Variants in EPHA3 observed in about 807,000 individuals in gnomAD.
The protein encoded by EPHA3 is EPH receptor A3.
In EPHA3, 42 loss-of-function variants were observed where a neutral mutation model predicts 107.1. The observed-to-expected ratio is 0.39, with a 90% CI of 0.31 to 0.51. EPHA3 has a LOEUF of 0.51. Ranked by LOEUF, EPHA3 falls within the 20% of genes least tolerant of loss-of-function variation. The pLI is 0.78. For synonymous variants in EPHA3, 461 were observed against 424.8 expected (o/e 1.09, Z -1.05); for missense variants, 1,183 against 1,211.2 (o/e 0.98, Z 0.35).
At chr3:89,383,802 C>A (rs1333379043) in intron 5 of EPHA3, among the ~76,000 whole-genome samples, 1 of 151,718 alleles carries the variant, frequency 6.6e-6, no homozygotes, top group East Asian at 1.9e-4. Context: ...GTGCCCGCCA[C>A]CACGCCCGGC....
At chr3:89,257,146 C>T (rs897378641) in intron 3 of EPHA3, among the ~76,000 whole-genome samples, 10 of 152,164 alleles carry the variant, frequency 6.6e-5, no homozygotes, top group African/African-American at 1.2e-4. Context: ...AACTATCGAT[C>T]CTTCTCTTAT....
At chr3:89,159,080 T>C (rs2107064958) in intron 2 of EPHA3, among the ~76,000 whole-genome samples, 1 of 152,294 alleles carries the variant, frequency 6.6e-6, no homozygotes, top group East Asian at 1.9e-4. Flanking sequence ...TAGTTCATTT[T>C]GTACTAATAT....
intron 3 of EPHA3, among the ~76,000 whole-genome samples, chr3:89,295,173 G>T (rs1706316348): frequency 2.0e-5 from 3 of 148,632 alleles, no homozygotes; most frequent in African/African-American, 7.5e-5. Context: ...TGCATATGAA[G>T]GTTATGTTTA....
chr3:89,294,493 C>CT (rs1706297518), intron 3 of EPHA3, among the ~76,000 whole-genome samples: 1 of 150,652 alleles, frequency 6.6e-6, no homozygotes, highest in African/African-American at 2.5e-5. Flanking sequence ...GAACTTTGTT[C>CT]TTTTCCTCTT....
chr3:89,202,279 G>T (rs956566858), intron 2 of EPHA3, among the ~76,000 whole-genome samples: 1 of 151,846 alleles, frequency 6.6e-6, no homozygotes, highest in Non-Finnish European at 1.5e-5. Context: ...CGGATCACTT[G>T]ACGCCAGGGG....
intron 15 of EPHA3, among the ~76,000 whole-genome samples, chr3:89,460,487 G>A (rs910032933): frequency 1.3e-5 from 2 of 151,160 alleles, no homozygotes; most frequent in African/African-American, 4.9e-5. Flanking sequence ...ACTTTGAAGG[G>A]ATTTATTTTT....
chr3:89,221,597 C>T (rs1307860293), intron 3 of EPHA3, among the ~76,000 whole-genome samples: 2 of 152,144 alleles, frequency 1.3e-5, no homozygotes, highest in African/African-American at 4.8e-5. Context: ...GCCATACATA[C>T]ATTTAAATTA....
Position 89,395,918 on chromosome 3 carries a change from C to T in EPHA3, c.1388C>T (p.Pro463Leu). 2 of 1,613,980 alleles carry T rather than the reference C, an allele frequency of 1.2e-6. No homozygotes were observed. Among genetic ancestry groups the T allele is most frequent in the Middle Eastern group, 1.6e-4 (1 of 6,062 alleles). Reference sequence around the variant, plus strand: ...TTGTCCTGGCAAGAACCTGAACATCCTAATGGGATCATATTGGACTACGAG... The same window carrying T: ...TTGTCCTGGCAAGAACCTGAACATCTTAATGGGATCATATTGGACTACGAG... ...ISLSWQEPEH[P>L]NGIILDYEVK... is the part of the protein sequence containing the mutation. The change falls in exon 6 of 17, where the codon CCT (proline) becomes CTT (leucine). Residue 463 changes from proline (P) to leucine (L), a missense_variant. Coordinates refer to ENST00000336596, the MANE Select transcript of EPHA3 (RefSeq NM_005233.6).
intron 2 of EPHA3, among the ~76,000 whole-genome samples, chr3:89,185,520 C>T (rs1705543469): frequency 1.3e-5 from 2 of 152,094 alleles, no homozygotes; most frequent in African/African-American, 2.4e-5. Flanking sequence ...AATTTTCTTA[C>T]TTGTTCAATT....
At chr3:89,316,691 A>G in intron 3 of EPHA3, among the ~76,000 whole-genome samples, 1 of 151,200 alleles carries the variant, frequency 6.6e-6, no homozygotes, top group East Asian at 2.0e-4. Flanking sequence ...ATGCTCTCTT[A>G]TGGAAAATGA....
intron 15 of EPHA3, among the ~76,000 whole-genome samples, chr3:89,471,790 A>G (rs1267046595): frequency 6.6e-6 from 1 of 152,138 alleles, no homozygotes; most frequent in Non-Finnish European, 1.5e-5. Flanking sequence ...TCATGTGTAT[A>G]TAAACACATT....
chr3:89,437,459 T>C (rs1026695571), intron 13 of EPHA3, among the ~76,000 whole-genome samples: 6 of 152,072 alleles, frequency 3.9e-5, no homozygotes, highest in African/African-American at 1.4e-4. Flanking sequence ...TCCTTTCCTC[T>C]GGTTTCTCAT....
chr3:89,200,383 G>T (rs1041247267), intron 2 of EPHA3, among the ~76,000 whole-genome samples: 14 of 152,174 alleles, frequency 9.2e-5, no homozygotes, highest in African/African-American at 3.4e-4. Flanking sequence ...GATATTCACT[G>T]TGTGCATTCA....
Position 89,341,807 on chromosome 3 carries a change from T to C in EPHA3, c.1023T>C (p.Val341=). Residue 341 remains valine, a synonymous_variant, in exon 5 of 17, where the codon GTT becomes GTC. Transcript: ENST00000336596. The part of the protein sequence containing the change: ...NVISNINETS[V]ILDWSWPLDT... ...TCTCTAATATAAACGAGACCTCAGTTATCCTGGACTGGAGTTGGCCCCTGG... is the reference window on the plus strand; with the variant it reads ...TCTCTAATATAAACGAGACCTCAGTCATCCTGGACTGGAGTTGGCCCCTGG... The C allele has an allele frequency of 1.2e-6, 2 of 1,613,986 alleles. No individual in the cohort carries two copies. Among genetic ancestry groups the C allele is most frequent in the Non-Finnish European group, 1.7e-6 (2 of 1,180,008 alleles).
chr3:89,202,515 CAAAAAAAA>C (rs375753577), intron 2 of EPHA3, among the ~76,000 whole-genome samples: 43 of 116,876 alleles, frequency 3.7e-4, no homozygotes, highest in African/African-American at 3.6e-4. Context: ...GACTCTGTCT[CAAAAAAAA>C]AAAAAAAAAA....
At chr3:89,373,330 G>A (rs1417935136) in intron 5 of EPHA3, among the ~76,000 whole-genome samples, 4 of 151,606 alleles carry the variant, frequency 2.6e-5, no homozygotes, top group African/African-American at 9.7e-5. Context: ...GAATCCTTAG[G>A]CAAGATAACA....
chr3:89,144,555 T>C (rs1704495139), intron 2 of EPHA3, among the ~76,000 whole-genome samples: 1 of 151,834 alleles, frequency 6.6e-6, no homozygotes, highest in Non-Finnish European at 1.5e-5. Context: ...TGCAGTTTAC[T>C]ATTAGAAAAT....
chr3:89,147,536 A>G (rs1704590401), intron 2 of EPHA3, among the ~76,000 whole-genome samples: 1 of 151,924 alleles, frequency 6.6e-6, no homozygotes, highest in Non-Finnish European at 1.5e-5. Context: ...AGTGTGTGAT[A>G]AGTGCTCAGT....
intron 3 of EPHA3, among the ~76,000 whole-genome samples, chr3:89,307,907 T>C (rs1455200149): frequency 3.3e-5 from 5 of 152,160 alleles, no homozygotes; most frequent in Non-Finnish European, 7.4e-5. Context: ...CAAAGTTTGG[T>C]TTAATATGGT....
Sources: gnomAD v4.1 joint callset for allele counts (sites outside exome capture counted in the v4.1 genomes callset) on GRCh38, gnomAD v4.1.1 for gene constraint, MANE v1.5 for transcripts, NCBI Gene and HGNC (gene_info 2026-07-23, HGNC 2026-07-21) for gene names.